LBX2: variants seen among roughly 807,000 people sequenced by gnomAD.
The protein encoded by LBX2 is transcription factor LBX2.
LBX2 carries 6 observed loss-of-function variants against 7.5 expected under a neutral mutation model. The observed-to-expected ratio is 0.80, with a 90% CI of 0.44 to 1.59. The LOEUF (loss-of-function observed/expected upper bound fraction) is 1.59, where lower values mean the gene tolerates loss of function less well. Ranked by LOEUF, LBX2 falls within the 40% of genes most tolerant of loss-of-function variation. LBX2 has a pLI of 0.01. For synonymous variants in LBX2, 143 were observed against 133.2 expected, an observed-to-expected ratio of 1.07 and a Z score of -0.51; for missense variants, 281 against 282.0, an observed-to-expected ratio of 1.00 and a Z score of 0.03.
In LBX2 at chr2:74,497,913, C is replaced by T. The variant is rs370139978; in HGVS notation, c.*14G>A. 44 of 1,533,756 alleles carry T rather than the reference C, an allele frequency of 2.9e-5. No homozygotes were observed. The highest frequency in any genetic ancestry group is 6.9e-5 in the African/African-American group (5 of 72,594). On this transcript the variant is annotated 3_prime_UTR_variant, in exon 2 of 2. Coordinates refer to ENST00000377566, the MANE Select transcript of LBX2 (RefSeq NM_001282430.2). ...CCAGGGCCCCAGAGCCCAGGATTGG[C>T]GGCGGCTTTGTCTTCAATCGTCCAC...
At position 74,499,029 on chromosome 2, in the gene LBX2, T is replaced by A; in HGVS notation, c.205+304A>T. On this transcript the variant is annotated intron_variant, in intron 1 of 1. Coordinates refer to ENST00000377566, the MANE Select transcript of LBX2 (RefSeq NM_001282430.2). The surrounding 1 kb of genome is among the most constrained non-coding windows in gnomAD (Gnocchi z 4.6). ...GCCTGCGGCTGAAGCCTTTTGTCTC[T>A]TTCTCTCCTGCCTTTCTCTATCGCG... The A allele has an allele frequency of 2.2e-6, 1 of 458,366 alleles. No individual in the cohort carries two copies. The highest frequency in any genetic ancestry group is 3.7e-5 in the East Asian group (1 of 27,362). The allele number at this position is 458,366 out of a possible 1,614,324, so 28.4% of individuals were successfully genotyped here. A position where few individuals can be genotyped will look rare whatever the true frequency, so the allele number is the denominator to read the frequency against.
At chr2:74,502,848 C>A (rs142834208), upstream of LBX2, 1 of 1,600,790 alleles carries the variant, frequency 6.2e-7, no homozygotes, top group African/African-American at 1.3e-5. The surrounding 1 kb of genome is among the most constrained non-coding windows in gnomAD (Gnocchi z 5.4). Context: ...CTAGGGAAGT[C>A]CTTTTTCCCA....
chr2:74,501,224 A>G (rs1674477652), upstream of LBX2, among the ~76,000 whole-genome samples: 1 of 152,170 alleles, frequency 6.6e-6, no homozygotes, highest in Admixed American at 6.5e-5. Context: ...GAGCCAGGCC[A>G]TGGTGGAAAG....
chr2:74,499,548 G>A lies in LBX2; in HGVS notation c.-11C>T. The A allele has an allele frequency of 1.3e-6, 2 of 1,543,452 alleles. No homozygotes were observed. The highest frequency in any genetic ancestry group is 2.4e-5 in the South Asian group (2 of 83,850). ...GCGTCCCGAGTTCATGGTCGGCCGG[G>A]CTGGGGCGGTCCGGCTGTCCGTTGC... On this transcript the variant is annotated 5_prime_UTR_variant, in exon 1 of 2. Coordinates refer to ENST00000377566, the MANE Select transcript of LBX2 (RefSeq NM_001282430.2). The surrounding 1 kb of genome is among the most constrained non-coding windows in gnomAD (Gnocchi z 4.6).
rs1343362207 is a variant in LBX2, at chr2:74,497,775, T to C, written c.*152A>G. On this transcript the variant is annotated 3_prime_UTR_variant, in exon 2 of 2. Transcript: ENST00000377566. ...CCTGTCTCAGACAACAAAACAAACTTACAAAAAAACCGGGAAAGGTGAGCG... is the reference window on the plus strand; with the variant it reads ...CCTGTCTCAGACAACAAAACAAACTCACAAAAAAACCGGGAAAGGTGAGCG... 9 of 853,378 alleles carry C rather than the reference T, an allele frequency of 1.1e-5. No individual in the cohort carries two copies. Among genetic ancestry groups the C allele is most frequent in the Non-Finnish European group, 1.6e-5 (9 of 577,114 alleles). The allele number at this position is 853,378 out of a possible 1,614,324, so 52.9% of individuals were successfully genotyped here.
At chr2:74,502,605 G>A, upstream of LBX2, 1 of 1,538,594 alleles carries the variant, frequency 6.5e-7, no homozygotes, top group Non-Finnish European at 9.0e-7. The surrounding 1 kb of genome is among the most constrained non-coding windows in gnomAD (Gnocchi z 5.4). Flanking sequence ...TTCTGGGATT[G>A]TTTTCTCTTT....
At chr2:74,498,570 A>G (rs1038430787) in intron 1 of LBX2, 19 of 529,686 alleles carry the variant, frequency 3.6e-5, no homozygotes, top group Non-Finnish European at 6.0e-5. Flanking sequence ...CAAGGAAGTG[A>G]AGGAAGGGAG....
chr2:74,500,874 C>T (rs1406016606), upstream of LBX2, among the ~76,000 whole-genome samples: 2 of 152,224 alleles, frequency 1.3e-5, no homozygotes, highest in African/African-American at 4.8e-5. Flanking sequence ...CTTTTTAAAA[C>T]AGTGTCAGGA....
upstream of LBX2, among the ~76,000 whole-genome samples, chr2:74,501,057 C>T (rs745917380): frequency 6.6e-6 from 1 of 152,178 alleles, no homozygotes; most frequent in Non-Finnish European, 1.5e-5. Flanking sequence ...GCCAAAGACT[C>T]CTTGACAAAG....
At chr2:74,503,065 G>T, upstream of LBX2, 1 of 534,056 alleles carries the variant, frequency 1.9e-6, no homozygotes, top group South Asian at 2.7e-5. The surrounding 1 kb of genome is among the most constrained non-coding windows in gnomAD (Gnocchi z 5.1). Context: ...GCGTCCGGGG[G>T]TGCAGACGGC....
At chr2:74,503,176 G>A (rs1471701829), upstream of LBX2, 6 of 325,256 alleles carry the variant, frequency 1.8e-5, no homozygotes, top group Non-Finnish European at 2.8e-5. The surrounding 1 kb of genome is among the most constrained non-coding windows in gnomAD (Gnocchi z 5.1). Context: ...GACCCTGGGC[G>A]TGATTCTCCC....
chr2:74,499,645 C>A (rs963081151), upstream of LBX2: 6 of 1,221,240 alleles, frequency 4.9e-6, no homozygotes, highest in Non-Finnish European at 6.7e-6. The surrounding 1 kb of genome is among the most constrained non-coding windows in gnomAD (Gnocchi z 4.6). Flanking sequence ...GACCCGCCCC[C>A]GGCTCTGGGC....
chr2:74,498,776 G>C (rs1674417468), intron 1 of LBX2: 1 of 198,624 alleles, frequency 5.0e-6, no homozygotes, highest in African/African-American at 2.3e-5. Context: ...TCGGTTTACA[G>C]TTCCTTAGTG....
At chr2:74,502,534 G>A, upstream of LBX2, 1 of 886,622 alleles carries the variant, frequency 1.1e-6, no homozygotes. This position sits in a 1 kb window ranked among gnomAD's most constrained non-coding sequence, Gnocchi z 5.4. Flanking sequence ...GGCAGTGGGA[G>A]TTCAGGGAGC....
rs1343097209 is a variant in LBX2, at chr2:74,498,165, G to A, written c.359C>T (p.Thr120Met). 2.5e-6 allele frequency: 4 copies of A among 1,612,498 alleles called. No individual in the cohort carries two copies. The highest frequency in any genetic ancestry group is 1.7e-5 in the Admixed American group (1 of 59,988). The part of the protein sequence containing the change: ...LAPSERDGLA[T>M]RLGLANAQVV... ...CTGCGCGTTGGCCAGGCCGAGTCGC[G>A]TAGCTAGCCCGTCTCGCTCGGACGG... The change falls in exon 2 of 2, where the codon ACG (threonine) becomes ATG (methionine). Residue 120 changes from threonine (T) to methionine (M), a missense_variant. Physicochemically the swap from Thr to Met is moderately conservative, Grantham distance 81. This residue lies in a region of LBX2 where 216 missense variants were observed against 208.7 expected (regional missense o/e 1.03). Transcript: ENST00000377566.
intron 1 of LBX2, chr2:74,498,659 A>G (rs1435643530): frequency 3.0e-6 from 1 of 338,584 alleles, no homozygotes; most frequent in Non-Finnish European, 5.4e-6. Flanking sequence ...TGAGCAGGCT[A>G]TAAGTTGAGG....
rs762893534 is a variant in LBX2, at chr2:74,498,117, C to G, written c.407G>C (p.Arg136Pro). The G allele has an allele frequency of 1.2e-6, 2 of 1,612,646 alleles. No individual in the cohort carries two copies. The highest frequency in any genetic ancestry group is 1.3e-5 in the African/African-American group (1 of 75,068). Residue 136 changes from arginine to proline, a missense_variant, in exon 2 of 2, where the codon CGG becomes CCG. Transcript: ENST00000377566. ...NAQVVTWFQN[R>P]RAKLKRDVEE... ...CACATCGCGCTTGAGCTTGGCTCGCCGGTTCTGGAACCAAGTGACCACCTG... is the reference window on the plus strand; with the variant it reads ...CACATCGCGCTTGAGCTTGGCTCGCGGGTTCTGGAACCAAGTGACCACCTG...
intron 1 of LBX2, 88 bp from the exon 2 acceptor site, chr2:74,498,406 G>T: frequency 9.4e-7 from 1 of 1,060,550 alleles, no homozygotes; most frequent in Non-Finnish European, 1.3e-6. Flanking sequence ...TCGGGCCGGT[G>T]GCGGTGGGGG....
At position 74,499,143 on chromosome 2, in the gene LBX2, C is replaced by G. The variant is rs535413253; in HGVS notation, c.205+190G>C. Reference sequence around the variant, plus strand: ...CTTGGCACTGGCGGCCTTCCGGAGCCGCCGCGGAACCTAGGGACTAACGGA... The same window carrying G: ...CTTGGCACTGGCGGCCTTCCGGAGCGGCCGCGGAACCTAGGGACTAACGGA... On this transcript the variant is annotated intron_variant, in intron 1 of 1. Coordinates refer to ENST00000377566, the MANE Select transcript of LBX2 (RefSeq NM_001282430.2). This position sits in a 1 kb window ranked among gnomAD's most constrained non-coding sequence, Gnocchi z 4.6. 207 of 618,224 alleles carry G rather than the reference C, an allele frequency of 3.3e-4. 1 individual carries two copies. In the African/African-American group the frequency reaches 3.6e-3, roughly 11 times the overall value. The allele number at this position is 618,224 out of a possible 1,614,324, so 38.3% of individuals were successfully genotyped here. A position where few individuals can be genotyped will look rare whatever the true frequency, so the allele number is the denominator to read the frequency against.
Sources: gnomAD v4.1 joint callset for allele counts (sites outside exome capture counted in the v4.1 genomes callset) on GRCh38, gnomAD v4.1.1 for gene constraint, gnomAD v4.1.1 regional missense constraint, Gnocchi (gnomAD v3.1) non-coding constraint, MANE v1.5 for transcripts, NCBI Gene and HGNC (gene_info 2026-07-23, HGNC 2026-07-21) for gene names.